Variants in MLLT3 observed in about 807,000 individuals in gnomAD.
The protein encoded by MLLT3 is protein AF-9.
Under a neutral mutation model 53.2 loss-of-function variants are expected in MLLT3, and 4 were observed. The ratio of observed to expected loss-of-function variants is 0.08; its 90% confidence interval spans 0.04 to 0.17. The LOEUF is 0.17. MLLT3 is among the 10% of genes least tolerant of loss of function. The pLI is 1.00. For synonymous variants in MLLT3, 283 were observed against 230.6 expected, an observed-to-expected ratio of 1.23 and a Z score of -2.06; for missense variants, 569 against 684.0, an observed-to-expected ratio of 0.83 and a Z score of 1.87.
intron 2 of MLLT3, among the ~76,000 whole-genome samples, chr9:20,458,194 C>G (rs1159951766): frequency 2.0e-5 from 3 of 152,180 alleles, no homozygotes; most frequent in Non-Finnish European, 1.5e-5. Flanking sequence ...TTTATCCTCC[C>G]AAAAAGTTAA....
At chr9:20,378,720 A>G (rs1821836167) in intron 5 of MLLT3, among the ~76,000 whole-genome samples, 2 of 152,058 alleles carry the variant, frequency 1.3e-5, no homozygotes, top group Admixed American at 1.3e-4. Flanking sequence ...TTCTATTTAA[A>G]ATGTTAAGTC....
At chr9:20,592,380 G>C (rs2131187683) in intron 2 of MLLT3, among the ~76,000 whole-genome samples, 1 of 152,340 alleles carries the variant, frequency 6.6e-6, no homozygotes, top group Non-Finnish European at 1.5e-5. Context: ...CCAAGATGAA[G>C]ATATCAGCAG....
intron 2 of MLLT3, among the ~76,000 whole-genome samples, chr9:20,599,829 C>T (rs972171567): frequency 1.3e-5 from 2 of 152,142 alleles, no homozygotes; most frequent in Non-Finnish European, 2.9e-5. Context: ...CCACATGGAC[C>T]ATGGGCAAGT....
chr9:20,346,796 T>C (rs1587135807), intron 10 of MLLT3, among the ~76,000 whole-genome samples: 1 of 152,110 alleles, frequency 6.6e-6, no homozygotes. Context: ...TGTCTTGCTT[T>C]TCATACCCTT....
chr9:20,427,344 T>C (rs994762936), intron 4 of MLLT3, among the ~76,000 whole-genome samples: 1 of 147,078 alleles, frequency 6.8e-6, no homozygotes. Flanking sequence ...AATATCTCAA[T>C]GGACTAGTTA....
intron 8 of MLLT3, among the ~76,000 whole-genome samples, chr9:20,360,456 A>G (rs1402007188): frequency 1.3e-5 from 2 of 152,214 alleles, no homozygotes; most frequent in Non-Finnish European, 2.9e-5. Flanking sequence ...AGTGTAAAGT[A>G]TATAGAAATC....
intron 2 of MLLT3, among the ~76,000 whole-genome samples, chr9:20,581,858 T>A (rs1819800265): frequency 6.6e-6 from 1 of 152,194 alleles, no homozygotes; most frequent in Non-Finnish European, 1.5e-5. Context: ...CATTTAAGGC[T>A]CTATATCACT....
chr9:20,518,806 A>G (rs1046849499), intron 2 of MLLT3, among the ~76,000 whole-genome samples: 1 of 152,206 alleles, frequency 6.6e-6, no homozygotes, highest in Non-Finnish European at 1.5e-5. Context: ...CATTCTACAA[A>G]ATACCTGAAA....
intron 5 of MLLT3, among the ~76,000 whole-genome samples, chr9:20,377,995 C>T (rs998400391): frequency 1.3e-5 from 2 of 151,996 alleles, no homozygotes; most frequent in African/African-American, 4.8e-5. Flanking sequence ...TTTCCTCTAT[C>T]TAGATCAAGG....
rs113456125 is a variant in MLLT3, at chr9:20,569,540, C to T, written c.193+51114G>A. Among the ~76,000 whole-genome samples the T allele has an allele frequency of 3.4e-3, 512 of 152,242 alleles. 3 individuals are homozygous for T. The highest frequency in any genetic ancestry group is 0.011 in the African/African-American group (475 of 41,546). On this transcript the variant is annotated intron_variant, in intron 2 of 10. Coordinates refer to ENST00000380338, the MANE Select transcript of MLLT3 (RefSeq NM_004529.4). ...CAAAGTCTCAGAGCTGTTAGAAAGA[C>T]TACACAGAAATCTACTACAACATAC...
chr9:20,470,819 T>A, intron 2 of MLLT3, among the ~76,000 whole-genome samples: 1 of 152,036 alleles, frequency 6.6e-6, no homozygotes, highest in Admixed American at 6.6e-5. Context: ...ATGCTTTATG[T>A]ATAAATACAT....
At chr9:20,442,798 T>C (rs933412065) in intron 4 of MLLT3, among the ~76,000 whole-genome samples, 2 of 152,098 alleles carry the variant, frequency 1.3e-5, no homozygotes, top group Non-Finnish European at 2.9e-5. Flanking sequence ...TGAAAACAGA[T>C]CATATATAAA....
At chr9:20,587,123 T>C (rs1181184182) in intron 2 of MLLT3, among the ~76,000 whole-genome samples, 2 of 151,950 alleles carry the variant, frequency 1.3e-5, no homozygotes, top group Non-Finnish European at 2.9e-5. Context: ...CCTTAGATTT[T>C]TTTAAACAAA....
chr9:20,350,124 G>T (rs1820973862), intron 10 of MLLT3, among the ~76,000 whole-genome samples: 1 of 152,140 alleles, frequency 6.6e-6, no homozygotes, highest in Non-Finnish European at 1.5e-5. Context: ...ATTGACACAG[G>T]CCACAAAGCC....
At chr9:20,601,887 G>C (rs1820431911) in intron 2 of MLLT3, among the ~76,000 whole-genome samples, 1 of 151,950 alleles carries the variant, frequency 6.6e-6, no homozygotes, top group African/African-American at 2.4e-5. Flanking sequence ...TCTGATTTCT[G>C]GCCAGTCATA....
chr9:20,531,420 G>C (rs941486065), intron 2 of MLLT3, among the ~76,000 whole-genome samples: 2 of 152,268 alleles, frequency 1.3e-5, no homozygotes, highest in African/African-American at 4.8e-5. Flanking sequence ...ACAGGTGTGA[G>C]CCACTGTACC....
In MLLT3 at chr9:20,621,781, C is replaced by T. The variant is rs1191405461; in HGVS notation, c.12+464G>A. 9 of 1,478,164 alleles carry T rather than the reference C, an allele frequency of 6.1e-6. No individual in the cohort carries two copies. The African/African-American group carries it at 8.8e-5, about 15-fold the overall frequency. 91.6% of individuals were successfully genotyped at this position (1,478,164 alleles called of 1,614,324 possible). On this transcript the variant is annotated intron_variant, in intron 1 of 10. Coordinates refer to ENST00000380338, the MANE Select transcript of MLLT3 (RefSeq NM_004529.4). The surrounding 1 kb of genome is among the most constrained non-coding windows in gnomAD (Gnocchi z 7.0). ...CGCCGCGGAGAACGCACCATCGTAG[C>T]GGCCGCGGCGCTTTGCGGAGGTGCG...
At chr9:20,432,961 T>C (rs998483471) in intron 4 of MLLT3, among the ~76,000 whole-genome samples, 2 of 152,132 alleles carry the variant, frequency 1.3e-5, no homozygotes, top group Non-Finnish European at 2.9e-5. Flanking sequence ...GAGTATTTAC[T>C]ATACAGTAGG....
At chr9:20,596,095 G>A (rs1407910289) in intron 2 of MLLT3, among the ~76,000 whole-genome samples, 2 of 152,166 alleles carry the variant, frequency 1.3e-5, no homozygotes, top group Non-Finnish European at 2.9e-5. Flanking sequence ...TAAATTATGG[G>A]CAGGCTTAAG....
Sources: allele counts gnomAD v4.1 joint callset (sites outside exome capture counted in the v4.1 genomes callset), GRCh38; gene constraint gnomAD v4.1.1; non-coding constraint Gnocchi (gnomAD v3.1); transcripts MANE v1.5; gene names NCBI Gene and HGNC (gene_info 2026-07-23, HGNC 2026-07-21).